Variants in PAM observed in about 807,000 individuals in gnomAD.
The protein encoded by PAM is peptidylglycine alpha-amidating monooxygenase.
PAM carries 72 observed loss-of-function variants against 122.1 expected under a neutral mutation model. The observed-to-expected ratio is 0.59, with a 90% confidence interval of 0.49 to 0.72. PAM has a LOEUF of 0.72. PAM is among the 30% of genes least tolerant of loss of function. PAM has a pLI of 0.00. For synonymous variants in PAM, 389 were observed against 404.4 expected (o/e 0.96, Z 0.46); for missense variants, 1,106 against 1,183.7 (o/e 0.93, Z 0.96).
intron 1 of PAM, among the ~76,000 whole-genome samples, chr5:102,859,027 T>C (rs1581024135): frequency 6.6e-6 from 1 of 151,878 alleles, no homozygotes; most frequent in African/African-American, 2.4e-5. Context: ...ACCAGTCACA[T>C]AAAAGTCTGG....
At chr5:102,940,125 C>T (rs1272079914) in intron 7 of PAM, among the ~76,000 whole-genome samples, 1 of 149,262 alleles carries the variant, frequency 6.7e-6, no homozygotes, top group African/African-American at 2.5e-5. Context: ...TACACACACA[C>T]ACACACACAC....
chr5:102,993,273 G>C (rs919825689), intron 16 of PAM, among the ~76,000 whole-genome samples: 1 of 152,082 alleles, frequency 6.6e-6, no homozygotes. Context: ...CAGCATGGCA[G>C]CTAGAGCTCT....
intron 1 of PAM, among the ~76,000 whole-genome samples, chr5:102,850,862 A>C (rs1044248250): frequency 6.6e-6 from 1 of 152,182 alleles, no homozygotes; most frequent in African/African-American, 2.4e-5. Context: ...AGAAGAAAGA[A>C]ATCTAGAGGT....
chr5:102,982,643 A>T (rs975769044), intron 15 of PAM, among the ~76,000 whole-genome samples: 1 of 152,222 alleles, frequency 6.6e-6, no homozygotes, highest in Non-Finnish European at 1.5e-5. Flanking sequence ...AAGAAATCAT[A>T]CAGAGACTAC....
chr5:102,866,622 A>G (rs1785651346), intron 2 of PAM: 1 of 259,314 alleles, frequency 3.9e-6, no homozygotes, highest in East Asian at 9.6e-5. Context: ...AGGATACATC[A>G]GTGTCGAGGA....
At chr5:103,005,120 A>C (rs752467670) in intron 17 of PAM, 34 bp from the exon 18 acceptor site, 1 of 1,260,604 alleles carries the variant, frequency 7.9e-7, no homozygotes, top group African/African-American at 1.5e-5. Context: ...TTGAGAGTAA[A>C]TGTGTAATTA....
At chr5:102,755,172 G>A (rs998705833), upstream of PAM, 4 of 152,308 alleles carry the variant, frequency 2.6e-5, no homozygotes, top group Non-Finnish European at 4.4e-5. Flanking sequence ...GAGGGCGAGC[G>A]GCGGACCCGG....
chr5:102,782,736 T>A (rs996190162), intron 1 of PAM, among the ~76,000 whole-genome samples: 1 of 151,286 alleles, frequency 6.6e-6, no homozygotes, highest in African/African-American at 2.4e-5. Flanking sequence ...TGTGTGTGTG[T>A]GTGTGTGTGT....
chr5:102,854,940 T>A (rs1332827835), intron 1 of PAM, among the ~76,000 whole-genome samples: 1 of 152,252 alleles, frequency 6.6e-6, no homozygotes, highest in Admixed American at 6.5e-5. Flanking sequence ...AATTAAGATA[T>A]CTGCATATAA....
At position 103,029,149 on chromosome 5, in the gene PAM, T is replaced by C; in HGVS notation, c.*84T>C. The C allele has an allele frequency of 8.6e-7, 1 of 1,156,166 alleles. No individual in the cohort carries two copies. The highest frequency in any genetic ancestry group is 2.4e-5 in the East Asian group (1 of 41,310). The allele number at this position is 1,156,166 out of a possible 1,614,324, so 71.6% of individuals were successfully genotyped here. ...TTTAGCACGTTTAAAGTTCTGTGTA[T>C]TTAATTGTAAACTGTACTAGTCTGT... On this transcript the variant is annotated 3_prime_UTR_variant, in exon 26 of 26. Coordinates refer to ENST00000438793, the MANE Select transcript of PAM (RefSeq NM_001177306.2).
At chr5:102,991,030 C>G (rs76269325) in intron 16 of PAM, among the ~76,000 whole-genome samples, 1 of 152,322 alleles carries the variant, frequency 6.6e-6, no homozygotes, top group Non-Finnish European at 1.5e-5. Flanking sequence ...TTTTCCTTTT[C>G]TACCTCCTTA....
At chr5:102,863,105 C>A (rs912220642) in intron 1 of PAM, among the ~76,000 whole-genome samples, 2 of 145,046 alleles carry the variant, frequency 1.4e-5, no homozygotes, top group Non-Finnish European at 2.9e-5. Context: ...TACTAATACT[C>A]CTCCTGGAAT....
chr5:102,911,820 C>A (rs564875629), intron 4 of PAM, among the ~76,000 whole-genome samples: 2 of 151,900 alleles, frequency 1.3e-5, no homozygotes, highest in African/African-American at 4.8e-5. Flanking sequence ...ATATACATTG[C>A]ATTAGTATAA....
intron 7 of PAM, among the ~76,000 whole-genome samples, chr5:102,934,513 C>T (rs1227744747): frequency 6.6e-6 from 1 of 152,130 alleles, no homozygotes; most frequent in Non-Finnish European, 1.5e-5. Flanking sequence ...CTTCTTTATT[C>T]TCAAGGCTGT....
At chr5:102,937,146 C>T (rs1300924826) in intron 7 of PAM, among the ~76,000 whole-genome samples, 1 of 152,016 alleles carries the variant, frequency 6.6e-6, no homozygotes, top group East Asian at 1.9e-4. Context: ...TTTTAAAATT[C>T]TTTAATAGAA....
chr5:102,947,764 G>T (rs1197434681), intron 8 of PAM, among the ~76,000 whole-genome samples: 1 of 152,148 alleles, frequency 6.6e-6, no homozygotes, highest in Admixed American at 6.6e-5. Context: ...GGGCATGAAT[G>T]TCACAGCTAG....
chr5:103,020,062 C>A (rs1301924914), intron 23 of PAM, among the ~76,000 whole-genome samples: 1 of 151,836 alleles, frequency 6.6e-6, no homozygotes, highest in Non-Finnish European at 1.5e-5. Flanking sequence ...TTACTGATTT[C>A]AAGTGATAGA....
chr5:102,969,408 C>T (rs146120456), intron 14 of PAM, among the ~76,000 whole-genome samples: 11 of 152,176 alleles, frequency 7.2e-5, no homozygotes, highest in Admixed American at 2.6e-4. Flanking sequence ...ACATCAGTTC[C>T]GTAGAGGTAG....
At chr5:102,974,988 G>C (rs1767140989) in intron 15 of PAM, among the ~76,000 whole-genome samples, 1 of 152,082 alleles carries the variant, frequency 6.6e-6, no homozygotes, top group African/African-American at 2.4e-5. Flanking sequence ...GAGTATTTCT[G>C]AAGGGACCTC....
Sources: gnomAD v4.1 joint callset for allele counts (sites outside exome capture counted in the v4.1 genomes callset) on GRCh38, gnomAD v4.1.1 for gene constraint, MANE v1.5 for transcripts, NCBI Gene and HGNC (gene_info 2026-07-23, HGNC 2026-07-21) for gene names.